FAT3: variants seen among roughly 807,000 people sequenced by gnomAD.
FAT3 encodes the protein protocadherin Fat 3.
Under a neutral mutation model 310.2 loss-of-function variants are expected in FAT3, and 95 were observed. The ratio of observed to expected loss-of-function variants is 0.31; its 90% CI spans 0.26 to 0.36. FAT3 has a LOEUF of 0.36. FAT3 is among the 10% of genes least tolerant of loss of function. The pLI, the probability that FAT3 is intolerant of heterozygous loss-of-function variation, is 1.00. For missense variants in FAT3, 5,408 were observed against 5,715.6 expected, an observed-to-expected ratio of 0.95 and a Z score of 1.74; for synonymous variants, 2,314 against 2,192.9, an observed-to-expected ratio of 1.06 and a Z score of -1.54.
At chr11:92,269,882 C>A (rs1946076479) in intron 1 of FAT3, among the ~76,000 whole-genome samples, 1 of 152,120 alleles carries the variant, frequency 6.6e-6, no homozygotes. Context: ...GTTTTCTATT[C>A]TACATCCTCT....
intron 3 of FAT3, among the ~76,000 whole-genome samples, chr11:92,671,265 G>T (rs1943121340): frequency 6.6e-6 from 1 of 151,912 alleles, no homozygotes; most frequent in African/African-American, 2.4e-5. Flanking sequence ...GGCTGGTCTG[G>T]AACTCCTGGC....
At chr11:92,240,520 A>G (rs1471269691) in intron 1 of FAT3, among the ~76,000 whole-genome samples, 1 of 151,208 alleles carries the variant, frequency 6.6e-6, no homozygotes, top group Non-Finnish European at 1.5e-5. Flanking sequence ...CTCCCTTAGT[A>G]GTAACTAATA....
intron 4 of FAT3, among the ~76,000 whole-genome samples, chr11:92,705,220 TC>T (rs1211417015): frequency 1.3e-5 from 2 of 152,028 alleles, no homozygotes; most frequent in East Asian, 3.9e-4. Flanking sequence ...TCTTAAATAA[TC>T]CCCCCAAAAG....
chr11:92,326,298 G>T (rs1947762376), intron 1 of FAT3, among the ~76,000 whole-genome samples: 1 of 152,186 alleles, frequency 6.6e-6, no homozygotes, highest in South Asian at 2.1e-4. Context: ...CAATACCAGG[G>T]TAATGAATAT....
rs1294719518 is a variant in FAT3, at chr11:92,354,134, G to A, written c.2022G>A (p.Gly674=). The change falls in exon 2 of 28, where the codon GGG becomes GGA. Residue 674 remains glycine (G), a synonymous_variant. Coordinates refer to ENST00000525166, the MANE Select transcript of FAT3 (RefSeq NM_001367949.2). The part of the protein sequence containing the change: ...PMSINISVLH[G]KVSSKSFSCR... ...CTATTAACATTTCAGTCCTACATGG[G>A]AAAGTGTCTTCAAAGAGCTTCAGTT... is the stretch of plus-strand genomic sequence containing the variant. The A allele has an allele frequency of 1.2e-6, 2 of 1,613,828 alleles. No homozygotes were observed. The highest frequency in any genetic ancestry group is 1.7e-6 in the Non-Finnish European group (2 of 1,179,854).
chr11:92,253,067 C>T (rs947325205), intron 1 of FAT3, among the ~76,000 whole-genome samples: 1 of 152,028 alleles, frequency 6.6e-6, no homozygotes, highest in Non-Finnish European at 1.5e-5. Context: ...TATTGCCACC[C>T]CTTCCTTTTA....
intron 3 of FAT3, among the ~76,000 whole-genome samples, chr11:92,677,419 G>A (rs1436105986): frequency 2.0e-5 from 3 of 152,202 alleles, no homozygotes; most frequent in Non-Finnish European, 4.4e-5. Flanking sequence ...CCAGTCCATT[G>A]ATACAAATGA....
At chr11:92,789,551 C>G (rs1233249328) in intron 7 of FAT3, among the ~76,000 whole-genome samples, 4 of 152,084 alleles carry the variant, frequency 2.6e-5, no homozygotes, top group African/African-American at 9.7e-5. Context: ...CCCATTCTGT[C>G]ACTGCCTCCA....
chr11:92,250,706 T>C (rs955227501), intron 1 of FAT3, among the ~76,000 whole-genome samples: 1 of 152,120 alleles, frequency 6.6e-6, no homozygotes, highest in African/African-American at 2.4e-5. Context: ...GAGAAGTGGC[T>C]TATTCTGGAG....
rs768345813 is a variant in FAT3 at position 92,388,789 on chromosome 11, G to A, written c.3292+33385G>A. ...TGGAGATTCAGAGCATAACTGCCTG[G>A]AAAATGCTAAGAAATTCTTTACAGA... On this transcript the variant is annotated intron_variant, in intron 2 of 27. Coordinates refer to ENST00000525166, the MANE Select transcript of FAT3 (RefSeq NM_001367949.2). Among the ~76,000 whole-genome samples, 3 of 152,256 alleles carry A rather than the reference G, an allele frequency of 2.0e-5. No individual in the cohort carries two copies. In the South Asian group the frequency reaches 6.2e-4, roughly 32 times the overall value.
chr11:92,564,804 T>C (rs1302775229), intron 3 of FAT3, among the ~76,000 whole-genome samples: 1 of 144,944 alleles, frequency 6.9e-6, no homozygotes, highest in Non-Finnish European at 1.5e-5. Context: ...CATAACGAAA[T>C]GAAGGCAGAA....
intron 2 of FAT3, among the ~76,000 whole-genome samples, chr11:92,441,187 C>A (rs1435044240): frequency 6.6e-6 from 1 of 152,208 alleles, no homozygotes; most frequent in African/African-American, 2.4e-5. Context: ...TCTTTGAATT[C>A]TCTACATTGT....
At chr11:92,403,806 G>A (rs1950076214) in intron 2 of FAT3, among the ~76,000 whole-genome samples, 1 of 152,212 alleles carries the variant, frequency 6.6e-6, no homozygotes, top group Non-Finnish European at 1.5e-5. Context: ...GGAGGACAAG[G>A]TGGGAGGATC....
chr11:92,576,755 A>G (rs2135520037), intron 3 of FAT3, among the ~76,000 whole-genome samples: 1 of 152,290 alleles, frequency 6.6e-6, no homozygotes, highest in East Asian at 1.9e-4. Flanking sequence ...ATTTCTTTAC[A>G]AAAGGAAAAA....
At chr11:92,339,730 G>A (rs1948192802) in intron 1 of FAT3, among the ~76,000 whole-genome samples, 2 of 152,152 alleles carry the variant, frequency 1.3e-5, no homozygotes, top group Non-Finnish European at 2.9e-5. Context: ...CTTGGGAAAT[G>A]TGCAGACTCC....
chr11:92,837,329 G>A (rs1948432336), intron 16 of FAT3, among the ~76,000 whole-genome samples: 1 of 152,184 alleles, frequency 6.6e-6, no homozygotes, highest in Admixed American at 6.5e-5. Context: ...CCAGAGCCTG[G>A]GTACTAACCA....
intron 1 of FAT3, among the ~76,000 whole-genome samples, chr11:92,330,824 A>G (rs985561366): frequency 3.9e-5 from 6 of 152,168 alleles, no homozygotes; most frequent in Non-Finnish European, 7.4e-5. Context: ...TTTGGAAGGA[A>G]AGGCTTTAAA....
chr11:92,461,961 A>C (rs1951648831), intron 2 of FAT3, among the ~76,000 whole-genome samples: 1 of 152,152 alleles, frequency 6.6e-6, no homozygotes, highest in Non-Finnish European at 1.5e-5. Flanking sequence ...AGTCTGCTGA[A>C]AAAGAGCTTT....
chr11:92,810,030 C>T lies in FAT3; in HGVS notation c.9435C>T (p.Ala3145=), dbSNP rs1361013908. Residue 3145 remains alanine (A), a synonymous_variant, in exon 13 of 28, where the codon GCC becomes GCT. Transcript: ENST00000525166. ...HYNTCVYENT[A]TKALLTRVQA... is the part of the protein sequence containing the mutation. ...ACACCTGTGTCTATGAGAACACAGC[C>T]ACCAAGGCTCTGTTGACCAGAGTTC... The T allele has an allele frequency of 9.3e-6, 15 of 1,613,816 alleles. No individual in the cohort carries two copies. The highest frequency in any genetic ancestry group is 1.3e-5 in the Non-Finnish European group (15 of 1,179,860).
Sources: allele counts gnomAD v4.1 joint callset (sites outside exome capture counted in the v4.1 genomes callset), GRCh38; gene constraint gnomAD v4.1.1; transcripts MANE v1.5; gene names NCBI Gene and HGNC (gene_info 2026-07-23, HGNC 2026-07-21).